Variants in EYS observed in about 807,000 individuals in gnomAD.
EYS encodes EGF-like photoreceptor maintenance factor, also known as protein eyes shut homolog.
EYS carries 250 observed loss-of-function variants against 282.1 expected under a neutral mutation model. That is an observed-to-expected ratio of 0.89 (90% confidence interval 0.80 to 0.98). The LOEUF (loss-of-function observed/expected upper bound fraction) is 0.98, where lower values mean the gene tolerates loss of function less well. Among genes scored for constraint, EYS ranks in the 50% least tolerant of loss-of-function variants. EYS has a pLI of 0.00. For synonymous variants in EYS, 1,355 were observed against 1,282.9 expected (o/e 1.06, Z -1.20); for missense variants, 4,016 against 3,709.0 (o/e 1.08, Z -2.15).
At chr6:64,903,998 C>T (rs1767746533) in intron 16 of EYS, among the ~76,000 whole-genome samples, 1 of 152,150 alleles carries the variant, frequency 6.6e-6, no homozygotes, top group Non-Finnish European at 1.5e-5. Flanking sequence ...GGTGTATTTA[C>T]AGCCACACAT....
intron 12 of EYS, among the ~76,000 whole-genome samples, chr6:65,150,921 C>T (rs1214565749): frequency 1.3e-5 from 2 of 151,822 alleles, no homozygotes; most frequent in Non-Finnish European, 2.9e-5. Context: ...AATTTATTTT[C>T]ACTTTTTCTT....
intron 12 of EYS, among the ~76,000 whole-genome samples, chr6:65,253,904 T>C (rs1767392827): frequency 6.6e-6 from 1 of 151,816 alleles, no homozygotes; most frequent in Admixed American, 6.6e-5. Flanking sequence ...CAATACAATA[T>C]AAATTCTACT....
intron 42 of EYS, among the ~76,000 whole-genome samples, chr6:63,723,941 G>T (rs890750939): frequency 2.0e-5 from 3 of 151,820 alleles, no homozygotes; most frequent in Non-Finnish European, 4.4e-5. Flanking sequence ...CCGAGTATCT[G>T]GGACTACAGG....
rs1771607888 is a variant in EYS, at chr6:65,005,299, C to G, written c.2138-7596G>C. Among the ~76,000 whole-genome samples, 2 of 147,874 alleles carry G rather than the reference C, an allele frequency of 1.4e-5. 1 individual carries two copies. Among genetic ancestry groups the G allele is most frequent in the Non-Finnish European group, 3.0e-5 (2 of 65,996 alleles). On this transcript the variant is annotated intron_variant, in intron 13 of 42. Coordinates refer to ENST00000503581, the MANE Select transcript of EYS (RefSeq NM_001142800.2). ...CATCCTAATCGAGCTGAACGCTAGTCACTGGGTTCCACGGTTCTCTTCCAT... is the reference window on the plus strand; with the variant it reads ...CATCCTAATCGAGCTGAACGCTAGTGACTGGGTTCCACGGTTCTCTTCCAT...
intron 22 of EYS, among the ~76,000 whole-genome samples, chr6:64,691,402 T>G (rs183609715): frequency 3.0e-4 from 46 of 152,296 alleles, no homozygotes; most frequent in Admixed American, 2.4e-3. Context: ...CAGCTAATAA[T>G]AACTAATGAA....
intron 35 of EYS, among the ~76,000 whole-genome samples, chr6:63,873,938 G>A (rs1581919401): frequency 6.6e-6 from 1 of 152,026 alleles, no homozygotes; most frequent in East Asian, 1.9e-4. Context: ...CTCCCATTCT[G>A]TAGGGTGCCT....
At chr6:64,672,384 T>A (rs896821302) in intron 22 of EYS, among the ~76,000 whole-genome samples, 1 of 152,178 alleles carries the variant, frequency 6.6e-6, no homozygotes, top group African/African-American at 2.4e-5. Context: ...GAACTCTATA[T>A]ATCTTGATGA....
intron 19 of EYS, among the ~76,000 whole-genome samples, chr6:64,847,144 C>T (rs1765740579): frequency 1.3e-5 from 2 of 152,070 alleles, no homozygotes; most frequent in Non-Finnish European, 2.9e-5. Context: ...TGGATTGCAA[C>T]TTATGCCACT....
At chr6:63,895,493 C>T (rs568810171) in intron 35 of EYS, among the ~76,000 whole-genome samples, 1 of 152,286 alleles carries the variant, frequency 6.6e-6, no homozygotes, top group East Asian at 1.9e-4. Context: ...AAAGCAATAA[C>T]TTTAGATCAT....
At chr6:64,496,402 C>A (rs913243608) in intron 26 of EYS, among the ~76,000 whole-genome samples, 1 of 151,926 alleles carries the variant, frequency 6.6e-6, no homozygotes. Context: ...CTTGTTTATA[C>A]TGTAAACCTA....
intron 2 of EYS, among the ~76,000 whole-genome samples, chr6:65,630,727 T>G (rs1324903821): frequency 2.0e-5 from 3 of 152,224 alleles, no homozygotes; most frequent in Non-Finnish European, 4.4e-5. Context: ...GACTTTGTAC[T>G]TGTGTTGAAC....
At chr6:64,408,628 G>C (rs977774626) in intron 28 of EYS, among the ~76,000 whole-genome samples, 27 of 152,176 alleles carry the variant, frequency 1.8e-4, no homozygotes, top group African/African-American at 6.5e-4. Flanking sequence ...ATTTCTGTGA[G>C]AAAAAATACA....
chr6:65,692,674 A>G (rs1769286205), intron 1 of EYS, among the ~76,000 whole-genome samples: 1 of 150,074 alleles, frequency 6.7e-6, no homozygotes, highest in Non-Finnish European at 1.5e-5. Flanking sequence ...ACTAAAACAT[A>G]TAATTTTTTT....
intron 35 of EYS, among the ~76,000 whole-genome samples, chr6:63,956,362 A>G (rs1765821421): frequency 1.3e-5 from 2 of 152,010 alleles, no homozygotes; most frequent in South Asian, 4.2e-4. Context: ...CCCTTTGACT[A>G]TAATTTCCAT....
At chr6:64,161,270 A>G (rs1775098628) in intron 31 of EYS, among the ~76,000 whole-genome samples, 1 of 152,226 alleles carries the variant, frequency 6.6e-6, no homozygotes, top group Non-Finnish European at 1.5e-5. Flanking sequence ...AGATACATAA[A>G]TAATAGCTAT....
intron 26 of EYS, among the ~76,000 whole-genome samples, chr6:64,442,648 T>C (rs1312243992): frequency 6.6e-6 from 1 of 152,138 alleles, no homozygotes; most frequent in Non-Finnish European, 1.5e-5. Flanking sequence ...TGATGTCCTA[T>C]GTTCCAGCTG....
At chr6:64,491,399 T>C (rs1295300414) in intron 26 of EYS, among the ~76,000 whole-genome samples, 1 of 150,930 alleles carries the variant, frequency 6.6e-6, no homozygotes, top group Admixed American at 6.6e-5. Flanking sequence ...CAAATTATTA[T>C]CTCCTTGAGT....
At chr6:64,362,553 T>TAA (rs1554148778) in intron 29 of EYS, among the ~76,000 whole-genome samples, 1 of 151,840 alleles carries the variant, frequency 6.6e-6, no homozygotes, top group Non-Finnish European at 1.5e-5. Flanking sequence ...GCAGAAGTAT[T>TAA]TTCTTGTGAT....
At chr6:65,383,133 A>G (rs976241685) in intron 8 of EYS, among the ~76,000 whole-genome samples, 1 of 152,004 alleles carries the variant, frequency 6.6e-6, no homozygotes, top group Non-Finnish European at 1.5e-5. Context: ...ATTTCTACAA[A>G]ACATTTGTTA....
Sources: allele counts gnomAD v4.1 joint callset (sites outside exome capture counted in the v4.1 genomes callset), GRCh38; gene constraint gnomAD v4.1.1; transcripts MANE v1.5; gene names NCBI Gene and HGNC (gene_info 2026-07-23, HGNC 2026-07-21).